The following NCAPD3 variants were observed in gnomAD, a reference collection of about 807,000 sequenced individuals.
NCAPD3 encodes the protein non-SMC condensin II complex subunit D3.
Under a neutral mutation model 182.9 loss-of-function variants are expected in NCAPD3, and 105 were observed. The ratio of observed to expected loss-of-function variants is 0.57; its 90% CI spans 0.49 to 0.68. The LOEUF (loss-of-function observed/expected upper bound fraction) is 0.68. NCAPD3 is among the 30% of genes least tolerant of loss of function. NCAPD3 has a pLI of 0.00. For synonymous variants in NCAPD3, 815 were observed against 679.9 expected, an observed-to-expected ratio of 1.20 and a Z score of -3.09; for missense variants, 1,944 against 1,837.0, an observed-to-expected ratio of 1.06 and a Z score of -1.07.
chr11:134,221,363 CTT>C (rs955175897), intron 1 of NCAPD3, among the ~76,000 whole-genome samples: 1 of 146,124 alleles, frequency 6.8e-6, no homozygotes. Context: ...TTTTCTTTTT[CTT>C]TTTTTTTTGG....
chr11:134,164,518 C>A (rs1023578239), intron 27 of NCAPD3, among the ~76,000 whole-genome samples: 2 of 151,976 alleles, frequency 1.3e-5, no homozygotes, highest in Admixed American at 1.3e-4. Context: ...AACACGGAAG[C>A]CAGTAGATGG....
At chr11:134,213,444 C>T (rs942584726) in intron 3 of NCAPD3, among the ~76,000 whole-genome samples, 12 of 151,798 alleles carry the variant, frequency 7.9e-5, no homozygotes, top group Non-Finnish European at 1.5e-4. Context: ...CTCAGCCTCC[C>T]GAGTAACTGG....
At chr11:134,223,785 C>A in intron 1 of NCAPD3, 78 bp downstream of exon 1, 1 of 1,535,788 alleles carries the variant, frequency 6.5e-7, no homozygotes, top group Non-Finnish European at 8.8e-7. Context: ...ACCGGCACCC[C>A]GGCCCGGGCT....
chr11:134,190,030 A>G (rs1219654381), intron 16 of NCAPD3, among the ~76,000 whole-genome samples: 2 of 152,220 alleles, frequency 1.3e-5, no homozygotes, highest in Non-Finnish European at 2.9e-5. Context: ...TATAGAGATT[A>G]CTGACCTATT....
rs150032993 is a variant in NCAPD3 at position 134,181,098 on chromosome 11, C to T, written c.2538G>A (p.Gly846=). ...TTACCAACAGGTCTTCGTCCATATTCCCTGTTCCATTCTCCTTGAGAACGA... is the reference window on the plus strand; with the variant it reads ...TTACCAACAGGTCTTCGTCCATATTTCCTGTTCCATTCTCCTTGAGAACGA... The part of the protein sequence containing the change: ...SNIVLKENGT[G]NMDEDLLVKY... Residue 846 remains glycine (G), a synonymous_variant, in exon 20 of 35, where the codon GGG becomes GGA. Coordinates refer to ENST00000534548, the MANE Select transcript of NCAPD3 (RefSeq NM_015261.3). 313 of 1,613,644 alleles carry T rather than the reference C, an allele frequency of 1.9e-4. 2 individuals are homozygous for T. In the East Asian group the frequency reaches 6.8e-3, roughly 35 times the overall value.
chr11:134,201,026 A>ATT (rs566027829), intron 13 of NCAPD3, among the ~76,000 whole-genome samples: 19 of 140,168 alleles, frequency 1.4e-4, no homozygotes, highest in East Asian at 2.0e-4. Flanking sequence ...AGAATAGGCA[A>ATT]TTTTTTTTTT....
Position 134,158,501 on chromosome 11 carries a change from AGAG to A in NCAPD3, c.3868-9_3868-7del. Reference sequence around the variant, plus strand: ...GTTTCTAAACACAGGGCAACCTGGTAGAGAAGATAAAGAGTATGTACATTCTAA... The same window carrying A: ...GTTTCTAAACACAGGGCAACCTGGTAAAGATAAAGAGTATGTACATTCTAA... On this transcript the variant is annotated splice_region_variant and splice_polypyrimidine_tract_variant and intron_variant, in intron 29 of 34. Coordinates refer to ENST00000534548, the MANE Select transcript of NCAPD3 (RefSeq NM_015261.3). 1 of 1,612,126 alleles carries A rather than the reference AGAG, an allele frequency of 6.2e-7. No homozygotes were observed. The highest frequency in any genetic ancestry group is 8.5e-7 in the Non-Finnish European group (1 of 1,179,340).
At position 134,203,698 on chromosome 11, in the gene NCAPD3, G is replaced by A; in HGVS notation, c.1424C>T (p.Thr475Ile). The change falls in exon 11 of 35, where the codon ACT (threonine) becomes ATT (isoleucine). Residue 475 changes from threonine to isoleucine, a missense_variant. This residue lies in a region of NCAPD3 where 1,803 missense variants were observed against 1,674.6 expected (regional missense o/e 1.08). Coordinates refer to ENST00000534548, the MANE Select transcript of NCAPD3 (RefSeq NM_015261.3). Reference sequence around the variant, plus strand: ...GATACTCTCCGACGCACTGGTAACAGTCAACTCCAGACAGTGTGCAAAGCT... The same window carrying A: ...GATACTCTCCGACGCACTGGTAACAATCAACTCCAGACAGTGTGCAAAGCT... ...LSSFAHCLELTVTSASESILE... is the reference protein window; with the variant it reads ...LSSFAHCLELIVTSASESILE... 1 of 1,614,050 alleles carries A rather than the reference G, an allele frequency of 6.2e-7. No homozygotes were observed.
intron 24 of NCAPD3, among the ~76,000 whole-genome samples, chr11:134,174,245 T>TG (rs1288162115): frequency 1.3e-5 from 2 of 151,496 alleles, no homozygotes; most frequent in African/African-American, 4.9e-5. Flanking sequence ...TAGCCGAGTA[T>TG]GGTGGCATGC....
intron 27 of NCAPD3, among the ~76,000 whole-genome samples, chr11:134,165,794 G>A (rs1176865886): frequency 1.4e-5 from 2 of 143,698 alleles, no homozygotes; most frequent in Admixed American, 6.9e-5. Flanking sequence ...AGGAGCTTAG[G>A]GGAGATGCAC....
At chr11:134,188,285 G>GT (rs1565541683) in intron 16 of NCAPD3, among the ~76,000 whole-genome samples, 2 of 152,048 alleles carry the variant, frequency 1.3e-5, no homozygotes, top group South Asian at 2.1e-4. Flanking sequence ...CTGTAAAAAC[G>GT]TACCAATCAG....
intron 1 of NCAPD3, among the ~76,000 whole-genome samples, chr11:134,221,694 AG>A (rs1292638077): frequency 6.6e-6 from 1 of 152,264 alleles, no homozygotes; most frequent in Admixed American, 6.5e-5. Flanking sequence ...CCACTGATTT[AG>A]AGAAGTTGGG....
In NCAPD3 at chr11:134,153,039, G is replaced by C. The variant is rs752232158; in HGVS notation, c.4402C>G (p.Gln1468Glu). 1 of 1,602,506 alleles carries C rather than the reference G, an allele frequency of 6.2e-7. No homozygotes were observed. The highest frequency in any genetic ancestry group is 8.5e-7 in the Non-Finnish European group (1 of 1,172,176). Residue 1468 changes from glutamine (Q) to glutamate (E), a missense_variant, in exon 35 of 35, where the codon CAG becomes GAG. Gln to Glu is a conservative substitution (Grantham distance 29). Coordinates refer to ENST00000534548, the MANE Select transcript of NCAPD3 (RefSeq NM_015261.3). ...GCGGGAGACCGCACATTCCACTGCTGAGGCTGTGGGGGCCTAGGGAAAGGA... is the reference window on the plus strand; with the variant it reads ...GCGGGAGACCGCACATTCCACTGCTCAGGCTGTGGGGGCCTAGGGAAAGGA... ...SLPDKPPPQP[Q>E]QWNVRSPARN...
In NCAPD3 at chr11:134,151,542, C is replaced by T. The variant is rs1163716915; in HGVS notation, c.*1402G>A. On this transcript the variant is annotated 3_prime_UTR_variant, in exon 35 of 35. Transcript: ENST00000534548. ...AAGTAGAGAGAAGTGAAAGTAGAGT[C>T]TGGGAAGTAGCTGCCTATAACTGAG... is the stretch of plus-strand genomic sequence containing the variant. 6.6e-6 allele frequency: 1 copy of T among 152,172 alleles called. No homozygotes were observed. Among genetic ancestry groups the T allele is most frequent in the African/African-American group, 2.4e-5 (1 of 41,444 alleles). 9.4% of individuals were successfully genotyped at this position (152,172 alleles called of 1,614,324 possible). A position where few individuals can be genotyped will look rare whatever the true frequency, so the allele number is the denominator to read the frequency against.
chr11:134,220,932 A>G (rs1473612470), intron 1 of NCAPD3, among the ~76,000 whole-genome samples: 2 of 152,264 alleles, frequency 1.3e-5, no homozygotes, highest in Non-Finnish European at 2.9e-5. Flanking sequence ...CTGACTATTA[A>G]GCTAATCATC....
intron 16 of NCAPD3, 34 bp downstream of exon 16, chr11:134,192,655 T>C (rs1342765150): frequency 1.0e-5 from 16 of 1,572,736 alleles, no homozygotes; most frequent in Non-Finnish European, 1.4e-5. Context: ...ACGGCCTTCT[T>C]CTATAGGGAA....
At chr11:134,219,523 T>C (rs1938151234) in intron 2 of NCAPD3, among the ~76,000 whole-genome samples, 3 of 152,282 alleles carry the variant, frequency 2.0e-5, no homozygotes, top group Admixed American at 2.0e-4. Context: ...AGGCAGTGCT[T>C]AGTGTTATGC....
In NCAPD3 at chr11:134,153,050, G is replaced by A. The variant is rs368734185; in HGVS notation, c.4391C>T (p.Pro1464Leu). 2.5e-6 allele frequency: 4 copies of A among 1,604,870 alleles called. No homozygotes were observed. The highest frequency in any genetic ancestry group is 2.2e-5 in the East Asian group (1 of 44,700). Residue 1464 changes from proline to leucine, a missense_variant and splice_region_variant, in exon 35 of 35, where the codon CCC (proline) becomes CTC (leucine). Pro to Leu is a moderately conservative substitution (Grantham distance 98). Coordinates refer to ENST00000534548, the MANE Select transcript of NCAPD3 (RefSeq NM_015261.3). The part of the protein sequence containing the change: ...ILCLSLPDKP[P>L]PQPQQWNVRS... ...CACATTCCACTGCTGAGGCTGTGGG[G>A]GCCTAGGGAAAGGACATGTGCAGTC...
chr11:134,209,508 T>A (rs1937747034), intron 4 of NCAPD3, 31 bp from the exon 5 acceptor site: 2 of 1,578,766 alleles, frequency 1.3e-6, no homozygotes, highest in Non-Finnish European at 1.7e-6. Flanking sequence ...CAGGTGACTG[T>A]AATAAATGCC....
Sources: gnomAD v4.1 joint callset for allele counts (sites outside exome capture counted in the v4.1 genomes callset) on GRCh38, gnomAD v4.1.1 for gene constraint, gnomAD v4.1.1 regional missense constraint, MANE v1.5 for transcripts, NCBI Gene and HGNC (gene_info 2026-07-23, HGNC 2026-07-21) for gene names.